Variants in TET3 observed in about 807,000 individuals in gnomAD.
TET3 encodes the protein methylcytosine dioxygenase TET3.
TET3 carries 19 observed loss-of-function variants against 141.4 expected under a neutral mutation model. That is an observed-to-expected ratio of 0.13 (90% CI 0.09 to 0.20). The LOEUF is 0.20. Ranked by LOEUF, TET3 falls within the 10% of genes least tolerant of loss-of-function variation. The pLI, the probability that TET3 is intolerant of heterozygous loss-of-function variation, is 1.00. For missense variants in TET3, 1,874 were observed against 2,356.9 expected, an observed-to-expected ratio of 0.80 and a Z score of 4.24; for synonymous variants, 1,043 against 980.9, an observed-to-expected ratio of 1.06 and a Z score of -1.18.
In TET3 at chr2:74,058,963, C is replaced by T. The variant is rs116656553; in HGVS notation, c.2494+10552C>T. On this transcript the variant is annotated intron_variant, in intron 4 of 11. Transcript: ENST00000409262. ...ACATGACCAGGCTCATTTGTTGATCCGTTGTCTATAGCCACTTTTGCACTA... is the reference window on the plus strand; with the variant it reads ...ACATGACCAGGCTCATTTGTTGATCTGTTGTCTATAGCCACTTTTGCACTA... Among the ~76,000 whole-genome samples, 473 of 152,310 alleles carry T rather than the reference C, an allele frequency of 3.1e-3. 1 individual carries two copies. Among genetic ancestry groups the T allele is most frequent in the African/African-American group, 0.011 (439 of 41,568 alleles).
At chr2:74,097,627 C>CT (rs1233564455) in intron 10 of TET3, among the ~76,000 whole-genome samples, 12 of 152,114 alleles carry the variant, frequency 7.9e-5, no homozygotes, top group African/African-American at 2.9e-4. Flanking sequence ...GGCCCAGAGT[C>CT]TTTAGTGGGG....
chr2:73,988,330 C>G (rs1684149288), intron 2 of TET3, among the ~76,000 whole-genome samples: 1 of 152,114 alleles, frequency 6.6e-6, no homozygotes, highest in African/African-American at 2.4e-5. Flanking sequence ...TCCTTTTCTT[C>G]CCCAGCCCCC....
At chr2:74,110,514 T>A (rs1343056272), downstream of TET3, among the ~76,000 whole-genome samples, 1 of 152,110 alleles carries the variant, frequency 6.6e-6, no homozygotes, top group Non-Finnish European at 1.5e-5. Flanking sequence ...CAAGGGGACA[T>A]GAAGCCCTAA....
rs758354482 is a variant in TET3, at chr2:74,047,598, C to T, written c.1681C>T (p.Pro561Ser). 1 of 1,613,778 alleles carries T rather than the reference C, an allele frequency of 6.2e-7. No homozygotes were observed. The highest frequency in any genetic ancestry group is 8.5e-7 in the Non-Finnish European group (1 of 1,179,834). Residue 561 changes from proline to serine, a missense_variant, in exon 4 of 12, where the codon CCC becomes TCC. Coordinates refer to ENST00000409262, the MANE Select transcript of TET3 (RefSeq NM_001287491.2). ...PSEPSAPGWWPPPSSPVPRLP... is the reference protein window; with the variant it reads ...PSEPSAPGWWSPPSSPVPRLP... ...AGAGCCTTCTGCTCCTGGCTGGTGG[C>T]CCCCACCAAGTTCACCTGTCCCACG...
chr2:74,027,804 T>C (rs1278873433), intron 3 of TET3, among the ~76,000 whole-genome samples: 2 of 152,222 alleles, frequency 1.3e-5, no homozygotes, highest in African/African-American at 4.8e-5. Context: ...TGGGCTGTTA[T>C]GAATAATGCT....
intron 2 of TET3, among the ~76,000 whole-genome samples, chr2:73,990,109 A>G (rs1246377625): frequency 6.6e-6 from 1 of 152,216 alleles, no homozygotes; most frequent in Admixed American, 6.5e-5. Context: ...GATGCAATAC[A>G]AGGGCTAGGT....
At chr2:74,059,244 A>G (rs1021735440) in intron 4 of TET3, among the ~76,000 whole-genome samples, 2 of 152,068 alleles carry the variant, frequency 1.3e-5, no homozygotes, top group Non-Finnish European at 2.9e-5. Flanking sequence ...TTTTTATTTT[A>G]TTTATTTAAT....
intron 3 of TET3, among the ~76,000 whole-genome samples, chr2:74,011,957 TTG>T (rs1278869563): frequency 6.6e-6 from 1 of 152,030 alleles, no homozygotes; most frequent in Non-Finnish European, 1.5e-5. Context: ...ATTTTTTTGT[TTG>T]TTTGTTTTTT....
rs1691389017 is a variant in TET3 at position 74,104,319 on chromosome 2, TA to T, written c.*2144del. On this transcript the variant is annotated 3_prime_UTR_variant, in exon 12 of 12. Transcript: ENST00000409262. ...AAATACCCAAGAGCTTATCAGGACT[TA>T]GAATTATTCAGAACTCAGATTTATA... The T allele has an allele frequency of 6.6e-6, 1 of 152,200 alleles. No individual in the cohort carries two copies. The highest frequency in any genetic ancestry group is 1.5e-5 in the Non-Finnish European group (1 of 68,032). The allele number at this position is 152,200 out of a possible 1,614,324, so 9.4% of individuals were successfully genotyped here. A position where few individuals can be genotyped will look rare whatever the true frequency, so the allele number is the denominator to read the frequency against.
chr2:74,066,226 G>T (rs1280343799), intron 4 of TET3, among the ~76,000 whole-genome samples: 2 of 152,068 alleles, frequency 1.3e-5, no homozygotes, highest in Non-Finnish European at 2.9e-5. Flanking sequence ...TTACTTCTTT[G>T]ATTTTTATAT....
At chr2:73,984,196 T>TGC (rs1683882461), upstream of TET3, among the ~76,000 whole-genome samples, 2 of 152,172 alleles carry the variant, frequency 1.3e-5, no homozygotes, top group Admixed American at 1.3e-4. This position sits in a 1 kb window ranked among gnomAD's most constrained non-coding sequence, Gnocchi z 5.6. Flanking sequence ...TTCCCCCTCC[T>TGC]CTGGGAGGCA....
intron 3 of TET3, among the ~76,000 whole-genome samples, chr2:74,030,767 A>G (rs1041865640): frequency 1.3e-5 from 2 of 152,182 alleles, no homozygotes; most frequent in African/African-American, 4.8e-5. Flanking sequence ...GCAGGGGGCC[A>G]GTCAAGGAGC....
chr2:73,992,267 G>A (rs542190848), intron 2 of TET3, among the ~76,000 whole-genome samples: 58 of 142,862 alleles, frequency 4.1e-4, no homozygotes, highest in African/African-American at 1.6e-3. Flanking sequence ...CTGAACACCT[G>A]CAGATGTGAT....
At chr2:74,059,470 G>T (rs1309182012) in intron 4 of TET3, among the ~76,000 whole-genome samples, 2 of 152,212 alleles carry the variant, frequency 1.3e-5, no homozygotes, top group Non-Finnish European at 2.9e-5. Flanking sequence ...GGCCAGGCTG[G>T]TCTGGAACTC....
the TET3 span, among the ~76,000 whole-genome samples, chr2:74,129,109 A>C: frequency 6.6e-6 from 1 of 150,734 alleles, no homozygotes; most frequent in African/African-American, 2.4e-5. Context: ...CGTGAGTTTA[A>C]GAACAGCCTG....
chr2:74,054,735 T>C (rs1688123530), intron 4 of TET3, among the ~76,000 whole-genome samples: 1 of 152,144 alleles, frequency 6.6e-6, no homozygotes, highest in African/African-American at 2.4e-5. Context: ...AAAGAACCAA[T>C]GGATAGTTTC....
chr2:74,067,420 A>G (rs556452400), intron 4 of TET3, among the ~76,000 whole-genome samples: 1 of 152,262 alleles, frequency 6.6e-6, no homozygotes, highest in East Asian at 1.9e-4. Context: ...TTATGTGCCA[A>G]ATACTGTGCT....
intron 5 of TET3, among the ~76,000 whole-genome samples, chr2:74,079,087 A>C (rs1006910506): frequency 1.3e-5 from 2 of 152,190 alleles, no homozygotes; most frequent in Non-Finnish European, 2.9e-5. Flanking sequence ...CGTGGCTCAC[A>C]CCTGTAATCC....
At chr2:73,999,445 C>G (rs890370827) in intron 2 of TET3, among the ~76,000 whole-genome samples, 21 of 152,158 alleles carry the variant, frequency 1.4e-4, no homozygotes, top group African/African-American at 3.4e-4. Flanking sequence ...TGCTTGATTT[C>G]TTGTAAATTC....
Sources: gnomAD v4.1 joint callset for allele counts (sites outside exome capture counted in the v4.1 genomes callset) on GRCh38, gnomAD v4.1.1 for gene constraint, Gnocchi (gnomAD v3.1) non-coding constraint, MANE v1.5 for transcripts, NCBI Gene and HGNC (gene_info 2026-07-23, HGNC 2026-07-21) for gene names.